Variants in ARHGAP19 observed in about 807,000 individuals in gnomAD.
ARHGAP19 encodes the protein Rho GTPase activating protein 19.
Under a neutral mutation model 60.9 loss-of-function variants are expected in ARHGAP19, and 48 were observed. The observed-to-expected ratio is 0.79, with a 90% CI of 0.62 to 1.00. ARHGAP19 has a LOEUF of 1.00. Ranked by LOEUF, ARHGAP19 falls within the 50% of genes least tolerant of loss-of-function variation. ARHGAP19 has a pLI of 0.00. For missense variants in ARHGAP19, 562 were observed against 597.2 expected, an observed-to-expected ratio of 0.94 and a Z score of 0.61; for synonymous variants, 209 against 215.5, an observed-to-expected ratio of 0.97 and a Z score of 0.27.
intron 6 of ARHGAP19, among the ~76,000 whole-genome samples, chr10:97,253,140 G>C (rs1027716686): frequency 6.6e-6 from 1 of 152,080 alleles, no homozygotes; most frequent in African/African-American, 2.4e-5. Flanking sequence ...TGTAATCCCA[G>C]CACTTTGGGA....
chr10:97,240,782 C>T (rs1410683944), intron 8 of ARHGAP19, among the ~76,000 whole-genome samples: 1 of 152,012 alleles, frequency 6.6e-6, no homozygotes, highest in African/African-American at 2.4e-5. Context: ...TCTTTTGGCC[C>T]AGATGTAAGG....
chr10:97,270,348 T>G (rs917814534), intron 1 of ARHGAP19, among the ~76,000 whole-genome samples: 14 of 152,168 alleles, frequency 9.2e-5, no homozygotes, highest in African/African-American at 3.1e-4. Context: ...AAATGGAAGA[T>G]GAAAGATGGA....
chr10:97,265,939 C>T lies in ARHGAP19; in HGVS notation c.243G>A (p.Gly81=). Reference sequence around the variant, plus strand: ...CGCCAGGCAACTTAAGGTCCACTTCCCCCATCAGCTGAGCCAACTCAGTTC... The same window carrying T: ...CGCCAGGCAACTTAAGGTCCACTTCTCCCATCAGCTGAGCCAACTCAGTTC... ...LPGTELAQLM[G]EVDLKLPGGA... The change falls in exon 2 of 12, where the codon GGG becomes GGA. Residue 81 remains glycine, a synonymous_variant. Coordinates refer to ENST00000358531, the MANE Select transcript of ARHGAP19 (RefSeq NM_032900.6). The T allele has an allele frequency of 6.2e-7, 1 of 1,614,098 alleles. No homozygotes were observed. Among genetic ancestry groups the T allele is most frequent in the Non-Finnish European group, 8.5e-7 (1 of 1,180,014 alleles).
chr10:97,230,794 G>A (rs1347416528), intron 9 of ARHGAP19, among the ~76,000 whole-genome samples: 3 of 152,032 alleles, frequency 2.0e-5, no homozygotes, highest in African/African-American at 7.2e-5. Flanking sequence ...GGCCGGGAGC[G>A]GTGGCTCACG....
chr10:97,266,642 A>G (rs1206718145), intron 1 of ARHGAP19, among the ~76,000 whole-genome samples: 1 of 152,228 alleles, frequency 6.6e-6, no homozygotes, highest in East Asian at 1.9e-4. Context: ...TAATTTATAA[A>G]GAAAAAGAGC....
intron 5 of ARHGAP19, among the ~76,000 whole-genome samples, chr10:97,257,584 G>A (rs890919512): frequency 1.3e-5 from 2 of 152,028 alleles, no homozygotes; most frequent in Non-Finnish European, 2.9e-5. Context: ...GTGATTACAG[G>A]CGTAAGTCAC....
At chr10:97,251,376 TGGAAG>T (rs1564718087) in intron 6 of ARHGAP19, among the ~76,000 whole-genome samples, 1 of 1,920 alleles carries the variant, frequency 5.2e-4, no homozygotes, top group Non-Finnish European at 8.9e-4. Context: ...GGAAGGGGAA[TGGAAG>T]GGAAGGGGAA....
intron 5 of ARHGAP19, among the ~76,000 whole-genome samples, chr10:97,258,002 G>A (rs1842778895): frequency 6.6e-6 from 1 of 152,084 alleles, no homozygotes; most frequent in South Asian, 2.1e-4. Flanking sequence ...GCAGGTCCTC[G>A]AATAACATCA....
intron 1 of ARHGAP19, among the ~76,000 whole-genome samples, chr10:97,285,205 G>A (rs1365133473): frequency 1.3e-5 from 2 of 152,108 alleles, no homozygotes; most frequent in Non-Finnish European, 2.9e-5. Context: ...TTTGTAGGTT[G>A]TAGATGTTCC....
intron 1 of ARHGAP19, among the ~76,000 whole-genome samples, chr10:97,274,036 A>T (rs1404682664): frequency 1.3e-5 from 2 of 152,174 alleles, no homozygotes; most frequent in African/African-American, 4.8e-5. Context: ...ATCAAATTTT[A>T]AAAATAAACG....
chr10:97,267,671 G>A (rs927786761), intron 1 of ARHGAP19, among the ~76,000 whole-genome samples: 1 of 152,234 alleles, frequency 6.6e-6, no homozygotes, highest in Non-Finnish European at 1.5e-5. Context: ...CTTGACTTCT[G>A]TGCACCCGCA....
intron 1 of ARHGAP19, among the ~76,000 whole-genome samples, chr10:97,279,651 C>A (rs1481162890): frequency 6.6e-6 from 1 of 152,100 alleles, no homozygotes; most frequent in African/African-American, 2.4e-5. Flanking sequence ...CACAGCCACA[C>A]CTGGCTAATT....
intron 1 of ARHGAP19, among the ~76,000 whole-genome samples, chr10:97,286,730 T>A (rs1407639258): frequency 6.6e-6 from 1 of 152,210 alleles, no homozygotes; most frequent in African/African-American, 2.4e-5. Flanking sequence ...GGCATTCTAC[T>A]GTCTGTTCCT....
intron 5 of ARHGAP19, among the ~76,000 whole-genome samples, chr10:97,258,332 C>T (rs1255616734): frequency 6.6e-6 from 1 of 152,134 alleles, no homozygotes; most frequent in East Asian, 1.9e-4. Flanking sequence ...TCGAGACCCG[C>T]CTGACCAACA....
intron 5 of ARHGAP19, 45 bp from the exon 6 acceptor site, chr10:97,256,449 A>T: frequency 1.5e-6 from 2 of 1,355,316 alleles, no homozygotes; most frequent in Non-Finnish European, 2.1e-6. Context: ...TAAGAGCTAG[A>T]AAGTAGTACT....
intron 1 of ARHGAP19, among the ~76,000 whole-genome samples, chr10:97,270,284 TG>T (rs1458871843): frequency 6.6e-6 from 1 of 152,188 alleles, no homozygotes; most frequent in Non-Finnish European, 1.5e-5. Context: ...TTTTTCTGTG[TG>T]GACCACCTGG....
chr10:97,263,700 C>A (rs12359143), intron 3 of ARHGAP19, 71 bp from the exon 4 acceptor site: 77,076 of 1,461,208 alleles, frequency 0.053, 2,338 homozygotes, highest in Non-Finnish European at 0.061. Flanking sequence ...AATAAATGGT[C>A]TAAAGACTAC....
At chr10:97,264,377 C>T (rs531978085) in intron 3 of ARHGAP19, among the ~76,000 whole-genome samples, 13 of 151,818 alleles carry the variant, frequency 8.6e-5, no homozygotes, top group Non-Finnish European at 1.9e-4. Flanking sequence ...CACCTGAGCC[C>T]GGGAGGTCAA....
chr10:97,259,832 T>TTTGTTTTGTC (rs1297877668), intron 4 of ARHGAP19, among the ~76,000 whole-genome samples: 1 of 138,902 alleles, frequency 7.2e-6, no homozygotes, highest in Non-Finnish European at 1.7e-5. Flanking sequence ...AAAAACCTGT[T>TTTGTTTTGTC]TTGTTTTGTT....
Sources: allele counts gnomAD v4.1 joint callset (sites outside exome capture counted in the v4.1 genomes callset), GRCh38; gene constraint gnomAD v4.1.1; transcripts MANE v1.5; gene names NCBI Gene and HGNC (gene_info 2026-07-23, HGNC 2026-07-21).